Variants in KLHL8 observed in about 807,000 individuals in gnomAD.
The protein encoded by KLHL8 is kelch-like protein 8.
In KLHL8, 38 loss-of-function variants were observed where a neutral mutation model predicts 63.5. The ratio of observed to expected loss-of-function variants is 0.60; its 90% confidence interval spans 0.46 to 0.78. The LOEUF (loss-of-function observed/expected upper bound fraction) is 0.78, where lower values mean the gene tolerates loss of function less well. Ranked by LOEUF, KLHL8 falls within the 30% of genes least tolerant of loss-of-function variation. KLHL8 has a pLI of 0.00. For synonymous variants in KLHL8, 224 were observed against 254.3 expected, an observed-to-expected ratio of 0.88 and a Z score of 1.13; for missense variants, 566 against 752.4, an observed-to-expected ratio of 0.75 and a Z score of 2.90.
At chr4:87,224,535 C>G (rs1732939902), upstream of KLHL8, among the ~76,000 whole-genome samples, 1 of 152,196 alleles carries the variant, frequency 6.6e-6, no homozygotes. Flanking sequence ...GGTTCTTTGT[C>G]TATGGAAACG....
Position 87,163,421 on chromosome 4 carries a change from A to T in KLHL8, c.*98T>A. The T allele has an allele frequency of 8.4e-7, 1 of 1,184,888 alleles. No individual in the cohort carries two copies. Among genetic ancestry groups the T allele is most frequent in the Non-Finnish European group, 1.2e-6 (1 of 830,132 alleles). 73.4% of individuals were successfully genotyped at this position (1,184,888 alleles called of 1,614,324 possible). On this transcript the variant is annotated 3_prime_UTR_variant, in exon 10 of 10. Transcript: ENST00000273963. ...ACAGTTAACATTTAAATAAGACTCT[A>T]GTTGCAGTAAAAAGTGTTGAAAGGT...
intron 1 of KLHL8, among the ~76,000 whole-genome samples, chr4:87,210,808 C>T (rs944882249): frequency 6.6e-6 from 1 of 152,204 alleles, no homozygotes; most frequent in African/African-American, 2.4e-5. Flanking sequence ...CTCCTGCTAA[C>T]TCTTGCTCAT....
chr4:87,226,967 TTATATATAAATAATATATAA>T (rs1733034437), intron 1 of KLHL8, among the ~76,000 whole-genome samples: 1 of 53,166 alleles, frequency 1.9e-5, no homozygotes, highest in African/African-American at 5.8e-5. Flanking sequence ...GTAATATATA[TTATATATAAATAATATATAA>T]TATATAAATA....
At chr4:87,190,470 C>T (rs1474010727) in intron 2 of KLHL8, among the ~76,000 whole-genome samples, 1 of 152,044 alleles carries the variant, frequency 6.6e-6, no homozygotes, top group Non-Finnish European at 1.5e-5. Flanking sequence ...CATGGTGAAA[C>T]CCCATCTCTA....
rs961588027 is a variant in KLHL8 at position 87,168,778 on chromosome 4, A to G, written c.1537+1301T>C. Among the ~76,000 whole-genome samples, 7 of 113,424 alleles carry G rather than the reference A, an allele frequency of 6.2e-5. No homozygotes were observed. The East Asian group carries it at 1.6e-3, about 25-fold the overall frequency. 74.4% of individuals were successfully genotyped at this position (113,424 alleles called of 152,430 possible). On this transcript the variant is annotated intron_variant, in intron 8 of 9. Transcript: ENST00000273963. Reference sequence around the variant, plus strand: ...TATGTGTGTGTATATATATGTGTATATATATACGTATATATACACACATAT... The same window carrying G: ...TATGTGTGTGTATATATATGTGTATGTATATACGTATATATACACACATAT...
intron 1 of KLHL8, among the ~76,000 whole-genome samples, chr4:87,199,978 A>G (rs1731847412): frequency 6.6e-6 from 1 of 151,606 alleles, no homozygotes. Context: ...TTGTCTCTAC[A>G]AAAAATACAA....
chr4:87,208,118 G>A, intron 1 of KLHL8: 1 of 470,430 alleles, frequency 2.1e-6, no homozygotes, highest in South Asian at 1.7e-5. Context: ...GCCCCAGAGA[G>A]AGCATGAGAG....
chr4:87,163,400 T>C lies in KLHL8; in HGVS notation c.*119A>G, dbSNP rs1464726728. The C allele has an allele frequency of 1.0e-6, 1 of 1,000,542 alleles. No homozygotes were observed. Among genetic ancestry groups the C allele is most frequent in the African/African-American group, 1.6e-5 (1 of 61,934 alleles). The allele number at this position is 1,000,542 out of a possible 1,614,324, so 62.0% of individuals were successfully genotyped here. A position where few individuals can be genotyped will look rare whatever the true frequency, so the allele number is the denominator to read the frequency against. On this transcript the variant is annotated 3_prime_UTR_variant, in exon 10 of 10. Coordinates refer to ENST00000273963, the MANE Select transcript of KLHL8 (RefSeq NM_020803.5). ...GTTGTACTTAGTCACAATACAACAGTTAACATTTAAATAAGACTCTAGTTG... is the reference window on the plus strand; with the variant it reads ...GTTGTACTTAGTCACAATACAACAGCTAACATTTAAATAAGACTCTAGTTG...
chr4:87,233,999 T>A (rs957895931), intron 1 of KLHL8, among the ~76,000 whole-genome samples: 2 of 152,232 alleles, frequency 1.3e-5, no homozygotes, highest in Admixed American at 1.3e-4. Context: ...CAATCAGTGT[T>A]CACTTATTGG....
intron 2 of KLHL8, among the ~76,000 whole-genome samples, chr4:87,186,258 G>A (rs1731251218): frequency 6.6e-6 from 1 of 151,874 alleles, no homozygotes; most frequent in Non-Finnish European, 1.5e-5. Context: ...ACGTTGGCCA[G>A]GTTGGTCTTG....
chr4:87,227,937 A>T (rs573111925), intron 1 of KLHL8, among the ~76,000 whole-genome samples: 1 of 152,262 alleles, frequency 6.6e-6, no homozygotes, highest in East Asian at 1.9e-4. Context: ...TATCAGCCTG[A>T]TCTCCTGATC....
intron 1 of KLHL8, among the ~76,000 whole-genome samples, chr4:87,202,495 ATC>A (rs1416747753): frequency 6.6e-6 from 1 of 152,172 alleles, no homozygotes; most frequent in Non-Finnish European, 1.5e-5. Flanking sequence ...AATCTGCAAT[ATC>A]AGAGACTATC....
intron 3 of KLHL8, among the ~76,000 whole-genome samples, chr4:87,184,268 A>G (rs1731167765): frequency 6.6e-6 from 1 of 152,244 alleles, no homozygotes; most frequent in Non-Finnish European, 1.5e-5. Flanking sequence ...TGTGTTCTGA[A>G]CTTTGATACT....
intron 1 of KLHL8, chr4:87,207,323 G>A (rs773404870): frequency 3.3e-5 from 20 of 612,524 alleles, no homozygotes; most frequent in Middle Eastern, 5.0e-4. Flanking sequence ...TTCCAGGAGC[G>A]AGATCCCTCC....
rs555036273 is a variant in KLHL8, at chr4:87,163,078, T to C, written c.*441A>G. ...AGAAATGATCTTCAAAAGGGGCAAG[T>C]CTCTTATGTATCCTTGTGTTAATGA... is the stretch of plus-strand genomic sequence containing the variant. On this transcript the variant is annotated 3_prime_UTR_variant, in exon 10 of 10. Transcript: ENST00000273963. 1.3e-5 allele frequency: 2 copies of C among 152,284 alleles called. No individual in the cohort carries two copies. Among genetic ancestry groups the C allele is most frequent in the South Asian group, 4.1e-4 (2 of 4,824 alleles). 9.4% of individuals were successfully genotyped at this position (152,284 alleles called of 1,614,324 possible). A position where few individuals can be genotyped will look rare whatever the true frequency, so the allele number is the denominator to read the frequency against.
intron 8 of KLHL8, chr4:87,167,214 A>G: frequency 1.9e-6 from 1 of 527,542 alleles, no homozygotes; most frequent in Non-Finnish European, 3.6e-6. Flanking sequence ...CTTCACCTGG[A>G]CCCAGATGTG....
chr4:87,202,058 C>T (rs982345442), intron 1 of KLHL8, among the ~76,000 whole-genome samples: 1 of 150,828 alleles, frequency 6.6e-6, no homozygotes, highest in Non-Finnish European at 1.5e-5. Flanking sequence ...TGCAGTGAGC[C>T]GAGATCACAC....
At chr4:87,213,164 G>A (rs1376885572) in intron 1 of KLHL8, among the ~76,000 whole-genome samples, 1 of 152,146 alleles carries the variant, frequency 6.6e-6, no homozygotes, top group Non-Finnish European at 1.5e-5. Context: ...GGGCCACTTA[G>A]TTTATCACAA....
intron 2 of KLHL8, among the ~76,000 whole-genome samples, chr4:87,190,942 G>C (rs1453068625): frequency 6.6e-6 from 1 of 151,978 alleles, no homozygotes; most frequent in African/African-American, 2.4e-5. Context: ...CTCAATTTGT[G>C]ATCATGAGTT....
Sources: allele counts gnomAD v4.1 joint callset (sites outside exome capture counted in the v4.1 genomes callset), GRCh38; gene constraint gnomAD v4.1.1; transcripts MANE v1.5; gene names NCBI Gene and HGNC (gene_info 2026-07-23, HGNC 2026-07-21).